Variants in COBL observed in about 807,000 individuals in gnomAD.
COBL encodes the protein cordon-bleu WH2 repeat protein.
In COBL, 51 loss-of-function variants were observed where a neutral mutation model predicts 98.8. The observed-to-expected ratio is 0.52, with a 90% CI of 0.41 to 0.65. The LOEUF is 0.65. COBL is among the 30% of genes least tolerant of loss of function. COBL has a pLI of 0.00. For synonymous variants in COBL, 634 were observed against 651.7 expected (o/e 0.97, Z 0.41); for missense variants, 1,617 against 1,617.5 (o/e 1.00, Z 0.01).
intron 1 of COBL, among the ~76,000 whole-genome samples, chr7:51,220,298 T>A (rs1186399049): frequency 6.6e-6 from 1 of 152,090 alleles, no homozygotes; most frequent in Non-Finnish European, 1.5e-5. Context: ...GAATTAATGA[T>A]CACAATGAAT....
chr7:51,132,961 G>A (rs1163868519), intron 6 of COBL, among the ~76,000 whole-genome samples: 1 of 152,002 alleles, frequency 6.6e-6, no homozygotes, highest in East Asian at 1.9e-4. Context: ...CTCCCACCAG[G>A]CCCCACCTCC....
At chr7:51,311,286 A>G (rs1312004665) in intron 1 of COBL, among the ~76,000 whole-genome samples, 1 of 152,236 alleles carries the variant, frequency 6.6e-6, no homozygotes, top group Non-Finnish European at 1.5e-5. Flanking sequence ...GAAGCGTGCT[A>G]ACACCCCAAG....
intron 1 of COBL, among the ~76,000 whole-genome samples, chr7:51,304,703 T>A (rs575700800): frequency 6.6e-6 from 1 of 151,904 alleles, no homozygotes; most frequent in East Asian, 1.9e-4. Context: ...AAAACAATAA[T>A]GGGAAAATAA....
intron 5 of COBL, among the ~76,000 whole-genome samples, chr7:51,145,351 T>C (rs770043597): frequency 2.0e-5 from 3 of 149,512 alleles, no homozygotes; most frequent in South Asian, 2.1e-4. Flanking sequence ...CCTAGGAGAA[T>C]TGTGGCTCAT....
In COBL at chr7:51,295,459, C is replaced by A. The variant is rs574335252; in HGVS notation, c.41+21134G>T. Among the ~76,000 whole-genome samples the A allele has an allele frequency of 2.0e-5, 3 of 152,152 alleles. No individual in the cohort carries two copies. In the East Asian group the frequency reaches 5.8e-4, roughly 29 times the overall value. On this transcript the variant is annotated intron_variant, in intron 1 of 12. Coordinates refer to ENST00000265136, the MANE Select transcript of COBL (RefSeq NM_015198.5). Reference sequence around the variant, plus strand: ...AAACATTTTTCAAAAAAAATACTGCCCAATTAACTGGGACCAATGAAATAA... The same window carrying A: ...AAACATTTTTCAAAAAAAATACTGCACAATTAACTGGGACCAATGAAATAA...
At chr7:51,218,823 C>T (rs1277998555) in intron 2 of COBL, among the ~76,000 whole-genome samples, 1 of 152,176 alleles carries the variant, frequency 6.6e-6, no homozygotes, top group Non-Finnish European at 1.5e-5. Context: ...TGCTTCAATT[C>T]ACTGCTGCAT....
At chr7:51,073,463 C>G (rs1224655637) in intron 7 of COBL, 1 of 594,852 alleles carries the variant, frequency 1.7e-6, no homozygotes, top group Non-Finnish European at 3.1e-6. Context: ...CATTCATTTT[C>G]CAGCCCCTGG....
intron 6 of COBL, among the ~76,000 whole-genome samples, chr7:51,117,801 T>C (rs1797409339): frequency 6.6e-6 from 1 of 152,220 alleles, no homozygotes; most frequent in Non-Finnish European, 1.5e-5. Flanking sequence ...TTGAGTGTTA[T>C]GCTTAGGAGG....
At chr7:51,033,104 C>T (rs965559271) in intron 8 of COBL, 1 of 152,050 alleles carries the variant, frequency 6.6e-6, no homozygotes, top group Admixed American at 6.5e-5. Context: ...ACTGATTCTA[C>T]CATTTTGCAA....
intron 2 of COBL, among the ~76,000 whole-genome samples, chr7:51,209,835 CAGA>C (rs1231349507): frequency 2.6e-5 from 4 of 152,138 alleles, no homozygotes; most frequent in Non-Finnish European, 5.9e-5. Context: ...ACCCAGTAAA[CAGA>C]TACAAATCAG....
At chr7:51,237,510 T>C (rs1454079160) in intron 1 of COBL, among the ~76,000 whole-genome samples, 1 of 146,022 alleles carries the variant, frequency 6.8e-6, no homozygotes, top group Non-Finnish European at 1.5e-5. Context: ...ATACATAAAC[T>C]GTGAGTCCCT....
rs62448314 is a variant in COBL, at chr7:51,177,752, G to A, written c.783+6350C>T. On this transcript the variant is annotated intron_variant, in intron 5 of 12. Coordinates refer to ENST00000265136, the MANE Select transcript of COBL (RefSeq NM_015198.5). Reference sequence around the variant, plus strand: ...CATGCCACTGCACTCCAGTCTGGGCGACAGAGAGGACTCTGTCTCAAAAAA... The same window carrying A: ...CATGCCACTGCACTCCAGTCTGGGCAACAGAGAGGACTCTGTCTCAAAAAA... Among the ~76,000 whole-genome samples the A allele has an allele frequency of 1.9e-4, 28 of 150,770 alleles. No individual in the cohort carries two copies. In the East Asian group the frequency reaches 4.9e-3, roughly 26 times the overall value.
chr7:51,083,099 C>G, intron 7 of COBL: 2 of 1,534,840 alleles, frequency 1.3e-6, no homozygotes, highest in Non-Finnish European at 1.7e-6. Context: ...AGCGCCTTCC[C>G]CGGGAAAGCT....
intron 1 of COBL, among the ~76,000 whole-genome samples, chr7:51,276,232 T>C (rs983439410): frequency 6.6e-6 from 1 of 152,214 alleles, no homozygotes; most frequent in Non-Finnish European, 1.5e-5. Context: ...CAGACATTTC[T>C]TAATCCATGA....
At chr7:51,236,255 G>A (rs1197320052) in intron 1 of COBL, among the ~76,000 whole-genome samples, 1 of 152,228 alleles carries the variant, frequency 6.6e-6, no homozygotes, top group Non-Finnish European at 1.5e-5. Context: ...GTTTGCAAGT[G>A]ATTTAAAACA....
intron 1 of COBL, among the ~76,000 whole-genome samples, chr7:51,266,135 CAT>C (rs1486728682): frequency 1.3e-5 from 2 of 152,190 alleles, no homozygotes; most frequent in South Asian, 2.1e-4. Flanking sequence ...GAAACAATCA[CAT>C]GTGGGCAAAT....
chr7:51,041,155 GGAAGGAA>G (rs1361379778), intron 8 of COBL, among the ~76,000 whole-genome samples: 1 of 152,202 alleles, frequency 6.6e-6, no homozygotes, highest in Non-Finnish European at 1.5e-5. Context: ...GGGGTAGGCA[GGAAGGAA>G]CCAGTTGCTG....
At chr7:51,299,139 C>T (rs1801677550) in intron 1 of COBL, among the ~76,000 whole-genome samples, 1 of 152,166 alleles carries the variant, frequency 6.6e-6, no homozygotes, top group African/African-American at 2.4e-5. Context: ...AGATGAGCCA[C>T]ACAACGTTCC....
intron 2 of COBL, among the ~76,000 whole-genome samples, chr7:51,204,399 A>T (rs1007705872): frequency 3.9e-5 from 6 of 152,182 alleles, no homozygotes; most frequent in Non-Finnish European, 8.8e-5. Context: ...AATAAAAGGC[A>T]CATACATCAA....
Sources: gnomAD v4.1 joint callset for allele counts (sites outside exome capture counted in the v4.1 genomes callset) on GRCh38, gnomAD v4.1.1 for gene constraint, MANE v1.5 for transcripts, NCBI Gene and HGNC (gene_info 2026-07-23, HGNC 2026-07-21) for gene names.